NDUFA10: variants seen among roughly 807,000 people sequenced by gnomAD.
The protein encoded by NDUFA10 is NADH:ubiquinone oxidoreductase subunit A10, also known as NADH dehydrogenase [ubiquinone] 1 alpha subcomplex subunit 10, mitochondrial.
In NDUFA10, 40 loss-of-function variants were observed where a neutral mutation model predicts 47.8. The ratio of observed to expected loss-of-function variants is 0.84; its 90% CI spans 0.65 to 1.09. The LOEUF is 1.09. NDUFA10 is among the 50% of genes least tolerant of loss of function. The pLI, the probability that NDUFA10 is intolerant of heterozygous loss-of-function variation, is 0.00. For synonymous variants in NDUFA10, 183 were observed against 172.2 expected (o/e 1.06, Z -0.49); for missense variants, 413 against 451.1 (o/e 0.92, Z 0.76).
intron 4 of NDUFA10, among the ~76,000 whole-genome samples, chr2:239,914,645 T>C (rs1030810121): frequency 7.5e-5 from 5 of 66,432 alleles, no homozygotes; most frequent in African/African-American, 1.7e-4. Context: ...AACACACACA[T>C]ACATACACAG....
intron 4 of NDUFA10, among the ~76,000 whole-genome samples, chr2:239,924,312 C>A (rs765268137): frequency 1.4e-4 from 21 of 152,112 alleles, no homozygotes; most frequent in Admixed American, 3.9e-4. Context: ...CTAGCAAATT[C>A]AATCAAACAT....
intron 4 of NDUFA10, among the ~76,000 whole-genome samples, chr2:239,896,818 G>A (rs1380519016): frequency 6.6e-6 from 1 of 152,138 alleles, no homozygotes; most frequent in Non-Finnish European, 1.5e-5. Context: ...GGGATTTGAT[G>A]TATTTTAGAA....
intron 9 of NDUFA10, among the ~76,000 whole-genome samples, chr2:239,975,368 G>A (rs943608044): frequency 1.3e-5 from 2 of 152,184 alleles, no homozygotes; most frequent in Non-Finnish European, 2.9e-5. Context: ...ATAGCAATGC[G>A]AGAACAGCCT....
At chr2:240,010,283 C>T (rs1433976305) in intron 6 of NDUFA10, among the ~76,000 whole-genome samples, 1 of 152,116 alleles carries the variant, frequency 6.6e-6, no homozygotes, top group Non-Finnish European at 1.5e-5. Context: ...AAAAACACAG[C>T]AAGACCAAGT....
rs1226038736 is a variant in NDUFA10 at position 240,016,902 on chromosome 2, G to A, written c.547+1651C>T. Among the ~76,000 whole-genome samples the A allele has an allele frequency of 2.0e-5, 3 of 151,998 alleles. No homozygotes were observed. The highest frequency in any genetic ancestry group is 4.4e-5 in the Non-Finnish European group (3 of 68,006). On this transcript the variant is annotated intron_variant, in intron 4 of 9. Coordinates refer to ENST00000252711, the MANE Select transcript of NDUFA10 (RefSeq NM_004544.4). This position sits in a 1 kb window ranked among gnomAD's most constrained non-coding sequence, Gnocchi z 4.4. The stretch of plus-strand genomic sequence containing the variant: ...CAACGCCCAAACATGAAGCCACATC[G>A]GTCCACTGCCCCTGTGCATCCTTCC...
Position 239,987,530 on chromosome 2 carries a change from G to A in NDUFA10, c.999+2544C>T, listed in dbSNP as rs1271599193. On this transcript the variant is annotated intron_variant, in intron 9 of 9. Transcript: ENST00000252711. This position sits in a 1 kb window ranked among gnomAD's most constrained non-coding sequence, Gnocchi z 4.8. ...TAATAACTTACCTTAAATGGTTCAG[G>A]AAAAGTTATTTTTCTTTTTTTAGTT... Among the ~76,000 whole-genome samples the A allele has an allele frequency of 6.6e-6, 1 of 151,604 alleles. No individual in the cohort carries two copies. Among genetic ancestry groups the A allele is most frequent in the East Asian group, 1.9e-4 (1 of 5,132 alleles).
At chr2:239,919,506 A>G (rs1417960916) in intron 4 of NDUFA10, among the ~76,000 whole-genome samples, 7 of 146,890 alleles carry the variant, frequency 4.8e-5, no homozygotes, top group African/African-American at 1.6e-4. Context: ...CGCAGTGGGC[A>G]TGCGGAACGG....
chr2:239,920,069 T>C (rs1459274172), intron 4 of NDUFA10, among the ~76,000 whole-genome samples: 1 of 152,168 alleles, frequency 6.6e-6, no homozygotes, highest in Non-Finnish European at 1.5e-5. Flanking sequence ...GTTGAAGCCC[T>C]GGTCCCAGCA....
Position 240,000,525 on chromosome 2 carries a change from T to G in NDUFA10, c.890+4685A>C, listed in dbSNP as rs547179407. ...AAGTTATAGTAAGCTAAGGTTAATC[T>G]CTTACTGAAGAAAAAAACTTTTTAT... On this transcript the variant is annotated intron_variant, in intron 8 of 9. Transcript: ENST00000252711. 2.4e-4 allele frequency among the ~76,000 whole-genome samples: 36 copies of G among 152,324 alleles called. 1 individual carries two copies. The South Asian group carries it at 7.1e-3, about 30-fold the overall frequency.
intron 4 of NDUFA10, among the ~76,000 whole-genome samples, chr2:239,951,867 G>A (rs1447086145): frequency 1.3e-5 from 2 of 152,250 alleles, no homozygotes; most frequent in African/African-American, 4.8e-5. Context: ...CCTGGGCAGC[G>A]GGAAGGACAG....
At chr2:239,956,178 A>C (rs995483562), downstream of NDUFA10, among the ~76,000 whole-genome samples, 2 of 152,168 alleles carry the variant, frequency 1.3e-5, no homozygotes, top group African/African-American at 4.8e-5. Context: ...AGGAACAAGC[A>C]GCGCTGCGTC....
Position 239,997,010 on chromosome 2 carries a change from TATAA to T in NDUFA10, c.891-6832_891-6829del, listed in dbSNP as rs1334039583. On this transcript the variant is annotated intron_variant, in intron 8 of 9. Transcript: ENST00000252711. ...AATATCTAATACAATGTAAATGCTA[TATAA>T]ATAGTTGTTATACTGTATTTTTACA... 5.9e-5 allele frequency among the ~76,000 whole-genome samples: 9 copies of T among 152,246 alleles called. No individual in the cohort carries two copies. The South Asian group carries it at 1.7e-3, about 28-fold the overall frequency.
At chr2:239,962,016 C>T (rs935194153) in intron 9 of NDUFA10, among the ~76,000 whole-genome samples, 12 of 152,320 alleles carry the variant, frequency 7.9e-5, no homozygotes, top group Admixed American at 2.0e-4. Flanking sequence ...AGCACAAAGA[C>T]GCCTGTTCAT....
chr2:239,918,944 C>T (rs571460216), intron 4 of NDUFA10, among the ~76,000 whole-genome samples: 1 of 152,340 alleles, frequency 6.6e-6, no homozygotes, highest in African/African-American at 2.4e-5. Flanking sequence ...CTTCCCATCC[C>T]CACTCACAGC....
chr2:240,005,693 A>G (rs896775261), intron 7 of NDUFA10, among the ~76,000 whole-genome samples: 1 of 145,692 alleles, frequency 6.9e-6, no homozygotes, highest in Admixed American at 6.9e-5. Flanking sequence ...AGCTATGAAT[A>G]TTTGGCAGGA....
At chr2:239,904,059 C>T (rs746019860) in intron 4 of NDUFA10, among the ~76,000 whole-genome samples, 9 of 151,808 alleles carry the variant, frequency 5.9e-5, no homozygotes, top group East Asian at 2.0e-4. Flanking sequence ...CATGGGGTCA[C>T]TCCAGGAACA....
chr2:239,975,797 ATTAATCC>A (rs1475613382), intron 9 of NDUFA10, among the ~76,000 whole-genome samples: 1 of 152,050 alleles, frequency 6.6e-6, no homozygotes, highest in Non-Finnish European at 1.5e-5. Flanking sequence ...TGGCTGCCAG[ATTAATCC>A]TAAGTGCCTC....
downstream of NDUFA10, among the ~76,000 whole-genome samples, chr2:239,956,578 C>T (rs569173530): frequency 5.3e-5 from 8 of 152,314 alleles, no homozygotes; most frequent in African/African-American, 1.9e-4. Flanking sequence ...GGAGTCGGGA[C>T]GGCCCAGTGC....
rs1694734405 is a variant in NDUFA10, at chr2:239,958,883, GA to G, written c.*2234del. The G allele has an allele frequency of 1.1e-6, 1 of 939,152 alleles. No individual in the cohort carries two copies. The highest frequency in any genetic ancestry group is 1.2e-4 in the East Asian group (1 of 8,576). 58.2% of individuals were successfully genotyped at this position (939,152 alleles called of 1,614,324 possible). On this transcript the variant is annotated 3_prime_UTR_variant, in exon 10 of 10. Transcript: ENST00000252711. ...ATTATTTCCTGATCTCCAAAGCACT[GA>G]GAAGTCCAACATGGAATCCTGGAAA...
Sources: gnomAD v4.1 joint callset for allele counts (sites outside exome capture counted in the v4.1 genomes callset) on GRCh38, gnomAD v4.1.1 for gene constraint, Gnocchi (gnomAD v3.1) non-coding constraint, MANE v1.5 for transcripts, NCBI Gene and HGNC (gene_info 2026-07-23, HGNC 2026-07-21) for gene names.